Variants in EPS15 observed in about 807,000 individuals in gnomAD.
EPS15 encodes epidermal growth factor receptor substrate 15.
A neutral mutation model predicts 113.8 loss-of-function variants in EPS15; 72 were observed. The observed-to-expected ratio is 0.63, with a 90% CI of 0.52 to 0.77. EPS15 has a LOEUF of 0.77. Among genes scored for constraint, EPS15 ranks in the 30% least tolerant of loss-of-function variants. The pLI is 0.00. For missense variants in EPS15, 1,048 were observed against 1,045.8 expected (o/e 1.00, Z -0.03); for synonymous variants, 344 against 363.4 (o/e 0.95, Z 0.61).
intron 2 of EPS15, among the ~76,000 whole-genome samples, chr1:51,476,676 G>C (rs1643911279): frequency 6.6e-6 from 1 of 151,966 alleles, no homozygotes; most frequent in Admixed American, 6.6e-5. Context: ...TTTTTGAAGG[G>C]TTTTTTGTGT....
intron 19 of EPS15, 130 bp downstream of exon 19, chr1:51,400,788 T>C: frequency 2.9e-6 from 1 of 343,280 alleles, no homozygotes; most frequent in Non-Finnish European, 5.7e-6. Context: ...AAGAATTTAC[T>C]ACTCTCTTTC....
At chr1:51,428,673 A>G (rs1022345247) in intron 12 of EPS15, among the ~76,000 whole-genome samples, 25 of 151,988 alleles carry the variant, frequency 1.6e-4, no homozygotes, top group African/African-American at 5.5e-4. Flanking sequence ...CTAAAAATAC[A>G]AAAATTAGCT....
intron 2 of EPS15, among the ~76,000 whole-genome samples, chr1:51,478,356 C>G (rs1391314625): frequency 6.6e-6 from 1 of 152,238 alleles, no homozygotes; most frequent in Non-Finnish European, 1.5e-5. Context: ...TGTCTCTGCA[C>G]ATGAGATGGG....
chr1:51,508,076 G>C (rs1644529224), intron 1 of EPS15, among the ~76,000 whole-genome samples: 1 of 151,856 alleles, frequency 6.6e-6, no homozygotes, highest in African/African-American at 2.4e-5. Flanking sequence ...CAGCTACTCA[G>C]GAGGCTGAGG....
At position 51,402,402 on chromosome 1, in the gene EPS15, G is replaced by A. The variant is rs567452279; in HGVS notation, c.1882+33C>T. 62 of 1,168,674 alleles carry A rather than the reference G, an allele frequency of 5.3e-5. No individual in the cohort carries two copies. The Admixed American group carries it at 1.1e-3, about 22-fold the overall frequency. 72.4% of individuals were successfully genotyped at this position (1,168,674 alleles called of 1,614,324 possible). The stretch of plus-strand genomic sequence containing the variant: ...ATATATTAAAAAGTCTTTTTTTTGG[G>A]TAAATCTATAATATAAAAAAAAGAG... On this transcript the variant is annotated intron_variant, in intron 18 of 24. Transcript: ENST00000371733.
chr1:51,403,513 A>G lies in EPS15; in HGVS notation c.1697T>C (p.Leu566Pro). ...QESPARSSPE[L>P]LPSGVTDENE... ...TTCATCAGTCACACCAGAAGGCAGT[A>G]GTTCAGGACTACTTCTTGCCTACAA... Residue 566 changes from leucine to proline, a missense_variant, in exon 17 of 25, where the codon CTA becomes CCA. Coordinates refer to ENST00000371733, the MANE Select transcript of EPS15 (RefSeq NM_001981.3). The G allele has an allele frequency of 6.3e-7, 1 of 1,595,486 alleles. No homozygotes were observed. The highest frequency in any genetic ancestry group is 8.5e-7 in the Non-Finnish European group (1 of 1,170,024).
intron 1 of EPS15, among the ~76,000 whole-genome samples, chr1:51,489,174 T>C (rs1373586102): frequency 6.6e-6 from 1 of 151,232 alleles, no homozygotes; most frequent in African/African-American, 2.4e-5. Context: ...GAGGAACTGC[T>C]ATTTTTGTTA....
At chr1:51,509,613 T>C (rs748032714) in intron 1 of EPS15, among the ~76,000 whole-genome samples, 5 of 152,174 alleles carry the variant, frequency 3.3e-5, no homozygotes, top group Non-Finnish European at 5.9e-5. Context: ...CAAATAACCA[T>C]GTCTGAGAGA....
intron 2 of EPS15, among the ~76,000 whole-genome samples, chr1:51,474,046 T>G (rs1257371154): frequency 6.6e-6 from 1 of 152,212 alleles, no homozygotes; most frequent in Non-Finnish European, 1.5e-5. Context: ...TATAGAAGCA[T>G]TCAGGGGAAA....
Position 51,356,017 on chromosome 1 carries a change from T to C in EPS15, c.*683A>G, listed in dbSNP as rs1646210693. 1 of 195,500 alleles carries C rather than the reference T, an allele frequency of 5.1e-6. No individual in the cohort carries two copies. The highest frequency in any genetic ancestry group is 1.1e-5 in the Non-Finnish European group (1 of 94,186). 12.1% of individuals were successfully genotyped at this position (195,500 alleles called of 1,614,324 possible). A position where few individuals can be genotyped will look rare whatever the true frequency, so the allele number is the denominator to read the frequency against. ...CTGAGAGGTATCTGTTGATCTAAAA[T>C]TCTCTAAATCCAGATAAATCTTTTT... On this transcript the variant is annotated 3_prime_UTR_variant, in exon 25 of 25. Transcript: ENST00000371733.
chr1:51,403,337 A>T (rs1389818396), intron 17 of EPS15, 82 bp downstream of exon 17: 2 of 724,648 alleles, frequency 2.8e-6, no homozygotes, highest in African/African-American at 3.5e-5. Context: ...TATTGTACCC[A>T]TTAAGTAATG....
At chr1:51,367,172 T>G (rs1646525542) in intron 21 of EPS15, among the ~76,000 whole-genome samples, 3 of 152,100 alleles carry the variant, frequency 2.0e-5, no homozygotes, top group Non-Finnish European at 2.9e-5. Flanking sequence ...AATAAAATCT[T>G]TTGAGTAAGA....
At chr1:51,411,661 G>C (rs1408351313) in intron 13 of EPS15, among the ~76,000 whole-genome samples, 1 of 151,984 alleles carries the variant, frequency 6.6e-6, no homozygotes, top group Non-Finnish European at 1.5e-5. Flanking sequence ...GCTTTGCCTA[G>C]GTTTCTTAAG....
intron 21 of EPS15, among the ~76,000 whole-genome samples, chr1:51,370,522 C>A (rs1044980849): frequency 1.1e-4 from 16 of 151,892 alleles, no homozygotes; most frequent in Non-Finnish European, 2.1e-4. Context: ...GGATGCTCAA[C>A]CCGTATTTGA....
At chr1:51,499,233 A>G (rs1644374326) in intron 1 of EPS15, among the ~76,000 whole-genome samples, 1 of 152,212 alleles carries the variant, frequency 6.6e-6, no homozygotes, top group South Asian at 2.1e-4. Context: ...ACACATATAA[A>G]AACAAACATA....
rs753962744 is a variant in EPS15, at chr1:51,421,933, T to G, written c.1041-75A>C. The G allele has an allele frequency of 2.3e-5, 36 of 1,589,184 alleles. 2 individuals carry two copies. The South Asian group carries it at 4.2e-4, about 18-fold the overall frequency. On this transcript the variant is annotated intron_variant, in intron 12 of 24. Coordinates refer to ENST00000371733, the MANE Select transcript of EPS15 (RefSeq NM_001981.3). ...CTGGTATGGTTATCCATCCTCCTAA[T>G]CCTGAATCGCTTTTTAAATACATAG...
At chr1:51,465,626 T>C (rs921750902) in intron 5 of EPS15, among the ~76,000 whole-genome samples, 1 of 152,042 alleles carries the variant, frequency 6.6e-6, no homozygotes, top group Non-Finnish European at 1.5e-5. Context: ...CTCCATCTCC[T>C]GGGTTCAAGC....
intron 8 of EPS15, among the ~76,000 whole-genome samples, chr1:51,453,099 TCTGA>T (rs770823741): frequency 8.5e-5 from 13 of 152,130 alleles, no homozygotes; most frequent in Admixed American, 2.6e-4. Flanking sequence ...AAGAAAACAA[TCTGA>T]CTAACATACA....
chr1:51,363,105 G>A (rs192997737), intron 23 of EPS15, among the ~76,000 whole-genome samples: 80 of 151,892 alleles, frequency 5.3e-4, no homozygotes, highest in Non-Finnish European at 9.0e-4. Context: ...AGAGACCAGC[G>A]TGGCCAACAT....
Sources: gnomAD v4.1 joint callset for allele counts (sites outside exome capture counted in the v4.1 genomes callset) on GRCh38, gnomAD v4.1.1 for gene constraint, MANE v1.5 for transcripts, NCBI Gene and HGNC (gene_info 2026-07-23, HGNC 2026-07-21) for gene names.